Variants in RNF4 observed in about 807,000 individuals in gnomAD.
RNF4 encodes the protein ring finger protein 4, also known as E3 ubiquitin-protein ligase RNF4.
In RNF4, 7 loss-of-function variants were observed where a neutral mutation model predicts 24.3. The observed-to-expected ratio is 0.29, with a 90% confidence interval of 0.16 to 0.54. RNF4 has a LOEUF of 0.54. RNF4 is among the 20% of genes least tolerant of loss of function. RNF4 has a pLI of 0.95. For missense variants in RNF4, 209 were observed against 248.5 expected (o/e 0.84, Z 1.07); for synonymous variants, 83 against 84.3 (o/e 0.98, Z 0.09).
intron 4 of RNF4, among the ~76,000 whole-genome samples, chr4:2,508,911 CT>C (rs66571775): frequency 3.4e-3 from 211 of 62,632 alleles, no homozygotes; most frequent in African/African-American, 9.7e-3. Flanking sequence ...TGCCCCAGGC[CT>C]TTTTTTTTTT....
At chr4:2,503,136 A>G (rs1413566597) in intron 4 of RNF4, among the ~76,000 whole-genome samples, 1 of 152,086 alleles carries the variant, frequency 6.6e-6, no homozygotes, top group African/African-American at 2.4e-5. Context: ...CAGCCTCCCA[A>G]AGCACTAGGA....
At chr4:2,473,790 G>A (rs767163835) in intron 1 of RNF4, among the ~76,000 whole-genome samples, 13 of 151,842 alleles carry the variant, frequency 8.6e-5, no homozygotes, top group East Asian at 7.8e-4. Flanking sequence ...CAGCCTGGGC[G>A]ACAGAGCGAG....
chr4:2,478,258 TAA>T (rs1735138838), intron 1 of RNF4, among the ~76,000 whole-genome samples: 1 of 152,204 alleles, frequency 6.6e-6, no homozygotes, highest in Non-Finnish European at 1.5e-5. Flanking sequence ...AAGCAGAGCA[TAA>T]AAGTTTGGAA....
At chr4:2,505,851 A>G (rs1305406668) in intron 4 of RNF4, 2 of 141,566 alleles carry the variant, frequency 1.4e-5, no homozygotes, top group Non-Finnish European at 3.0e-5. Flanking sequence ...ATAGGCATGC[A>G]CCACCACGCC....
In RNF4 at chr4:2,511,965, G is replaced by A. The variant is rs1736281397; in HGVS notation, c.214G>A (p.Glu72Lys). Reference sequence around the variant, plus strand: ...TCCTTCTGTTTACAAGATTGTTGACGGTGAGTGGTTTCGTTTCCTTTTTCA... The same window carrying A: ...TCCTTCTGTTTACAAGATTGTTGACAGTGAGTGGTTTCGTTTCCTTTTTCA... ...THNDSVVIVD[E>K]RRRPRRNARR... Residue 72 changes from glutamate (E) to lysine (K), a missense_variant and splice_region_variant, in exon 5 of 8, where the codon GAA (glutamate) becomes AAA (lysine). Coordinates refer to ENST00000314289, the MANE Select transcript of RNF4 (RefSeq NM_002938.5). The A allele has an allele frequency of 2.5e-6, 4 of 1,606,950 alleles. No homozygotes were observed. The highest frequency in any genetic ancestry group is 1.3e-5 in the African/African-American group (1 of 74,836).
At position 2,514,142 on chromosome 4, in the gene RNF4, T is replaced by C. The variant is rs1403187867; in HGVS notation, c.*323T>C. On this transcript the variant is annotated 3_prime_UTR_variant, in exon 8 of 8. Transcript: ENST00000314289. The stretch of plus-strand genomic sequence containing the variant: ...CATTTGCCAAGAAATTTTCCCTGTT[T>C]GGAAAGTTTGCCCCAGCTTTCCCGG... 1.7e-5 allele frequency: 5 copies of C among 294,180 alleles called. No individual in the cohort carries two copies. Among genetic ancestry groups the C allele is most frequent in the Non-Finnish European group, 3.2e-5 (5 of 154,012 alleles). 18.2% of individuals were successfully genotyped at this position (294,180 alleles called of 1,614,324 possible). A position where few individuals can be genotyped will look rare whatever the true frequency, so the allele number is the denominator to read the frequency against.
chr4:2,512,430 TA>T lies in RNF4; in HGVS notation c.215-7del, dbSNP rs779913222. 2.3e-4 allele frequency: 365 copies of T among 1,604,114 alleles called. No homozygotes were observed. The South Asian group carries it at 3.8e-3, about 17-fold the overall frequency. ...CCTCCAACCTGAAAATGTGACCTCT[TA>T]CCTTAGAAAGAAGAAGACCAAGGAG... On this transcript the variant is annotated splice_region_variant and splice_polypyrimidine_tract_variant and intron_variant, in intron 5 of 7. Transcript: ENST00000314289. This position sits in a 1 kb window ranked among gnomAD's most constrained non-coding sequence, Gnocchi z 4.1.
At position 2,500,798 on chromosome 4, in the gene RNF4, G is replaced by A. The variant is rs748844885; in HGVS notation, c.204+60G>A. The A allele has an allele frequency of 1.9e-5, 28 of 1,496,052 alleles. No homozygotes were observed. The South Asian group carries it at 3.2e-4, about 17-fold the overall frequency. 92.7% of individuals were successfully genotyped at this position (1,496,052 alleles called of 1,614,324 possible). ...GGGTATGGGTCCCTGGCCAGTGCCA[G>A]CATCTGACAGCCTTGGTCACAGACT... On this transcript the variant is annotated intron_variant, in intron 4 of 7. Coordinates refer to ENST00000314289, the MANE Select transcript of RNF4 (RefSeq NM_002938.5).
Position 2,490,407 on chromosome 4 carries a change from G to T in RNF4, c.-87G>T. The T allele has an allele frequency of 7.2e-7, 1 of 1,386,232 alleles. No homozygotes were observed. The highest frequency in any genetic ancestry group is 1.2e-5 in the South Asian group (1 of 81,150). 85.9% of individuals were successfully genotyped at this position (1,386,232 alleles called of 1,614,324 possible). ...AGCCAGATGAGTAACCAGAGGGCAT[G>T]AAAGGTTGAGAACATTTGACTTCCC... On this transcript the variant is annotated 5_prime_UTR_variant, in exon 2 of 8. An upstream start codon of the reference 5' UTR is lost. Coordinates refer to ENST00000314289, the MANE Select transcript of RNF4 (RefSeq NM_002938.5).
At chr4:2,476,403 T>TTG (rs775787394) in intron 1 of RNF4, among the ~76,000 whole-genome samples, 777 of 152,310 alleles carry the variant, frequency 5.1e-3, no homozygotes, top group Middle Eastern at 0.014. Context: ...TTGTTTTTTG[T>TTG]TTGTTTTTTG....
chr4:2,492,602 A>T (rs1277638189), intron 2 of RNF4, among the ~76,000 whole-genome samples: 1 of 152,202 alleles, frequency 6.6e-6, no homozygotes, highest in African/African-American at 2.4e-5. Flanking sequence ...GTATGGGAAG[A>T]TGGATGGTGG....
chr4:2,473,470 G>A (rs1483655528), intron 1 of RNF4, among the ~76,000 whole-genome samples: 1 of 152,152 alleles, frequency 6.6e-6, no homozygotes, highest in East Asian at 1.9e-4. Context: ...AGACTTCAAT[G>A]GAAAAAGTAA....
At chr4:2,473,288 G>A (rs1734963058) in intron 1 of RNF4, among the ~76,000 whole-genome samples, 2 of 151,974 alleles carry the variant, frequency 1.3e-5, no homozygotes, top group African/African-American at 4.8e-5. Flanking sequence ...AGGAGCTGAG[G>A]TAGGTTAATC....
intron 1 of RNF4, among the ~76,000 whole-genome samples, chr4:2,472,494 G>C (rs1403892623): frequency 6.6e-6 from 1 of 151,578 alleles, no homozygotes; most frequent in African/African-American, 2.4e-5. Context: ...GCTCATGCCT[G>C]TACTCGCAGC....
chr4:2,475,097 G>A (rs1485388955), intron 1 of RNF4, among the ~76,000 whole-genome samples: 1 of 152,234 alleles, frequency 6.6e-6, no homozygotes, highest in Non-Finnish European at 1.5e-5. Flanking sequence ...TCCATGAGCA[G>A]CCATCATCAG....
intron 1 of RNF4, among the ~76,000 whole-genome samples, chr4:2,473,337 T>C (rs546454144): frequency 6.6e-5 from 10 of 152,178 alleles, no homozygotes; most frequent in Non-Finnish European, 4.4e-5. Flanking sequence ...TGAGCCGAGA[T>C]TGTGCCTCTG....
In RNF4 at chr4:2,502,825, C is replaced by G. The variant is rs1191204222; in HGVS notation, c.204+2087C>G. 2.1e-5 allele frequency among the ~76,000 whole-genome samples: 3 copies of G among 143,332 alleles called. No individual in the cohort carries two copies. In the East Asian group the frequency reaches 6.1e-4, roughly 29 times the overall value. The allele number at this position is 143,332 out of a possible 152,430, so 94.0% of individuals were successfully genotyped here. A position where few individuals can be genotyped will look rare whatever the true frequency, so the allele number is the denominator to read the frequency against. ...CGCCACTGCACTCAAGCCTGGGCGA[C>G]AGAGCAAGACTCTGTCTCAAAAAAA... On this transcript the variant is annotated intron_variant, in intron 4 of 7. Transcript: ENST00000314289.
At chr4:2,482,459 A>G (rs1286224280) in intron 1 of RNF4, among the ~76,000 whole-genome samples, 3 of 152,326 alleles carry the variant, frequency 2.0e-5, no homozygotes, top group South Asian at 2.1e-4. Context: ...TCTGAGGTAC[A>G]TCTGCCCCTC....
intron 1 of RNF4, among the ~76,000 whole-genome samples, chr4:2,470,638 T>C (rs913118897): frequency 2.0e-5 from 3 of 152,250 alleles, no homozygotes; most frequent in Non-Finnish European, 1.5e-5. Context: ...TATGCACATC[T>C]GTGCTTTGTA....
Sources: allele counts gnomAD v4.1 joint callset (sites outside exome capture counted in the v4.1 genomes callset), GRCh38; gene constraint gnomAD v4.1.1; non-coding constraint Gnocchi (gnomAD v3.1); transcripts MANE v1.5; gene names NCBI Gene and HGNC (gene_info 2026-07-23, HGNC 2026-07-21).